SNTG2: variants seen among roughly 807,000 people sequenced by gnomAD.
The protein encoded by SNTG2 is syntrophin gamma 2.
SNTG2 carries 74 observed loss-of-function variants against 70.9 expected under a neutral mutation model. The observed-to-expected ratio is 1.04, with a 90% CI of 0.86 to 1.27. The LOEUF is 1.27. SNTG2 is among the 50% of genes most tolerant of loss of function. The pLI is 0.00. For missense variants in SNTG2, 717 were observed against 690.7 expected (o/e 1.04, Z -0.43); for synonymous variants, 278 against 273.8 (o/e 1.02, Z -0.15).
chr2:1,022,502 C>CGT (rs987394245), intron 1 of SNTG2, among the ~76,000 whole-genome samples: 21 of 151,652 alleles, frequency 1.4e-4, no homozygotes, highest in African/African-American at 4.8e-4. Flanking sequence ...CCTGAGTTCC[C>CGT]GAGTCCCTGA....
Position 1,250,536 on chromosome 2 carries a change from C to A in SNTG2, c.1005+3093C>A, listed in dbSNP as rs192551129. Among the ~76,000 whole-genome samples the A allele has an allele frequency of 2.3e-3, 355 of 152,044 alleles. 5 individuals carry two copies. The highest frequency in any genetic ancestry group is 2.2e-4 in the Non-Finnish European group (15 of 67,960). On this transcript the variant is annotated intron_variant, in intron 12 of 16. Coordinates refer to ENST00000308624, the MANE Select transcript of SNTG2 (RefSeq NM_018968.4). ...TCTTTCTGTCGTCTCCTTCTCTGCC[C>A]ACTCTTTGCTCCTCTCAAGGTCTCT...
rs550188928 is a variant in SNTG2 at position 1,307,306 on chromosome 2, C to T, written c.1285-1188C>T. 2.9e-3 allele frequency among the ~76,000 whole-genome samples: 359 copies of T among 123,058 alleles called. 1 individual carries two copies. The highest frequency in any genetic ancestry group is 0.011 in the African/African-American group (331 of 30,754). The allele number at this position is 123,058 out of a possible 152,430, so 80.7% of individuals were successfully genotyped here. ...CCGTGCACTGTGTGTGTGTGCCAGC[C>T]CTGCATTGTGTGTGTGTGTGTGTGT... On this transcript the variant is annotated intron_variant, in intron 14 of 16. Coordinates refer to ENST00000308624, the MANE Select transcript of SNTG2 (RefSeq NM_018968.4).
chr2:1,005,952 T>C (rs1409775949), intron 1 of SNTG2, among the ~76,000 whole-genome samples: 3 of 149,226 alleles, frequency 2.0e-5, no homozygotes, highest in Non-Finnish European at 3.0e-5. Context: ...GCCAACTGAA[T>C]TATATGGAGG....
intron 1 of SNTG2, among the ~76,000 whole-genome samples, chr2:1,032,385 G>A (rs974445093): frequency 1.3e-5 from 2 of 151,984 alleles, no homozygotes; most frequent in African/African-American, 4.8e-5. Context: ...ACACACGCAC[G>A]CACATATATC....
At chr2:1,275,238 G>A (rs907014125) in intron 14 of SNTG2, among the ~76,000 whole-genome samples, 2 of 152,094 alleles carry the variant, frequency 1.3e-5, no homozygotes, top group South Asian at 2.1e-4. Flanking sequence ...TCCTTACCTC[G>A]GCAACTACAG....
intron 4 of SNTG2, among the ~76,000 whole-genome samples, chr2:1,131,868 T>C (rs1409591483): frequency 6.6e-6 from 1 of 152,098 alleles, no homozygotes; most frequent in Non-Finnish European, 1.5e-5. Context: ...GCCAGGATGG[T>C]CTCGATCTCC....
At chr2:1,252,187 G>A (rs1677811643) in intron 12 of SNTG2, among the ~76,000 whole-genome samples, 1 of 152,216 alleles carries the variant, frequency 6.6e-6, no homozygotes, top group South Asian at 2.1e-4. Flanking sequence ...TCTGGATCTG[G>A]ATAATTTGTA....
At position 1,119,551 on chromosome 2, in the gene SNTG2, CG is replaced by C. The variant is rs1175654438; in HGVS notation, c.326-18070del. ...AACTGTGGAGGAGAAGTTAAAGGCTCGTTTTTTTTTTTTTTGTATAAAAAAA... is the reference window on the plus strand; with the variant it reads ...AACTGTGGAGGAGAAGTTAAAGGCTCTTTTTTTTTTTTTTGTATAAAAAAA... On this transcript the variant is annotated intron_variant, in intron 4 of 16. Transcript: ENST00000308624. Among the ~76,000 whole-genome samples the C allele has an allele frequency of 4.4e-3, 570 of 129,300 alleles. 6 individuals carry two copies. The highest frequency in any genetic ancestry group is 0.016 in the Middle Eastern group (4 of 252). The allele number at this position is 129,300 out of a possible 152,430, so 84.8% of individuals were successfully genotyped here.
At chr2:1,136,149 T>G (rs1284054017) in intron 4 of SNTG2, among the ~76,000 whole-genome samples, 1 of 152,150 alleles carries the variant, frequency 6.6e-6, no homozygotes, top group Non-Finnish European at 1.5e-5. Context: ...CTTTCTTCTG[T>G]TAGCCTTTGA....
intron 16 of SNTG2, among the ~76,000 whole-genome samples, chr2:1,361,483 C>T (rs1661142055): frequency 6.6e-6 from 1 of 152,222 alleles, no homozygotes; most frequent in South Asian, 2.1e-4. Flanking sequence ...ATCTACTTTT[C>T]TCCAAATCTA....
intron 16 of SNTG2, among the ~76,000 whole-genome samples, chr2:1,362,253 C>T (rs534476157): frequency 6.6e-6 from 1 of 151,714 alleles, no homozygotes; most frequent in South Asian, 2.1e-4. Context: ...AGTAGAACTT[C>T]CGTGAAAGTC....
chr2:1,284,965 C>A (rs751907775), intron 14 of SNTG2, among the ~76,000 whole-genome samples: 8 of 150,848 alleles, frequency 5.3e-5, no homozygotes, highest in Non-Finnish European at 8.8e-5. Flanking sequence ...ATAAATATAA[C>A]TATATAAATA....
intron 13 of SNTG2, among the ~76,000 whole-genome samples, chr2:1,264,492 A>G (rs9283286): frequency 6.6e-6 from 1 of 152,088 alleles, no homozygotes; most frequent in Non-Finnish European, 1.5e-5. Context: ...GCCACAAGGG[A>G]TGTTGCAAGT....
chr2:1,277,362 G>T (rs1679310570), intron 14 of SNTG2, among the ~76,000 whole-genome samples: 1 of 152,192 alleles, frequency 6.6e-6, no homozygotes, highest in Admixed American at 6.5e-5. Flanking sequence ...GCATCAGTCA[G>T]CAGCCATCAA....
At chr2:1,101,654 A>G (rs1027504215) in intron 4 of SNTG2, among the ~76,000 whole-genome samples, 1 of 152,098 alleles carries the variant, frequency 6.6e-6, no homozygotes, top group African/African-American at 2.4e-5. Flanking sequence ...AGGAGAGCAT[A>G]CCCTCTACCC....
At chr2:1,189,303 C>A (rs1672433087) in intron 8 of SNTG2, among the ~76,000 whole-genome samples, 1 of 152,070 alleles carries the variant, frequency 6.6e-6, no homozygotes, top group Non-Finnish European at 1.5e-5. Context: ...GAAGAGTCTT[C>A]CAAGTGCATG....
At chr2:1,363,872 A>G (rs1034569743) in intron 16 of SNTG2, among the ~76,000 whole-genome samples, 2 of 152,210 alleles carry the variant, frequency 1.3e-5, no homozygotes, top group African/African-American at 4.8e-5. Flanking sequence ...GTATTGTTTC[A>G]TAAGCTTTAA....
At chr2:1,139,671 AAAC>A (rs1668622064) in intron 6 of SNTG2, among the ~76,000 whole-genome samples, 1 of 130,948 alleles carries the variant, frequency 7.6e-6, no homozygotes, top group Non-Finnish European at 1.5e-5. Flanking sequence ...CAAAAAATAA[AAAC>A]AAAATCTAGT....
At position 1,236,424 on chromosome 2, in the gene SNTG2, G is replaced by A. The variant is rs980669136; in HGVS notation, c.720-1464G>A. On this transcript the variant is annotated intron_variant, in intron 9 of 16. Coordinates refer to ENST00000308624, the MANE Select transcript of SNTG2 (RefSeq NM_018968.4). The stretch of plus-strand genomic sequence containing the variant: ...TGATCAGAAAGGGCTGTGCGAAGGT[G>A]GAGGCAGAGCTGCCTGCCCTCCCCA... 2.0e-5 allele frequency among the ~76,000 whole-genome samples: 3 copies of A among 152,226 alleles called. No individual in the cohort carries two copies. The South Asian group carries it at 6.2e-4, about 32-fold the overall frequency.
Sources: gnomAD v4.1 joint callset for allele counts (sites outside exome capture counted in the v4.1 genomes callset) on GRCh38, gnomAD v4.1.1 for gene constraint, MANE v1.5 for transcripts, NCBI Gene and HGNC (gene_info 2026-07-23, HGNC 2026-07-21) for gene names.